Variants in CR1 observed in about 807,000 individuals in gnomAD.
CR1 encodes the protein complement receptor type 1.
A neutral mutation model predicts 187.3 loss-of-function variants in CR1; 116 were observed. That is an observed-to-expected ratio of 0.62 (90% CI 0.53 to 0.72). The LOEUF is 0.72. Among genes scored for constraint, CR1 ranks in the 30% least tolerant of loss-of-function variants. The pLI is 0.00. For missense variants in CR1, 1,731 were observed against 2,110.7 expected, an observed-to-expected ratio of 0.82 and a Z score of 3.52; for synonymous variants, 576 against 747.1, an observed-to-expected ratio of 0.77 and a Z score of 3.73.
At position 207,524,020 on chromosome 1, in the gene CR1, C is replaced by T. The variant is rs1175587000; in HGVS notation, c.886+11C>T. 3 of 1,611,628 alleles carry T rather than the reference C, an allele frequency of 1.9e-6. No individual in the cohort carries two copies. Among genetic ancestry groups the T allele is most frequent in the African/African-American group, 1.3e-5 (1 of 74,740 alleles). On this transcript the variant is annotated intron_variant, in intron 5 of 46. Coordinates refer to ENST00000367049, the MANE Select transcript of CR1 (RefSeq NM_000651.6). ...CAAGCTGCTCCAGGGGTGAGTCTGA[C>T]TGAGGCCTAGAAGGGCCCTGCCAGT...
rs1033045549 is a variant in CR1, at chr1:207,575,454, G to A, written c.4452-141G>A. On this transcript the variant is annotated intron_variant, in intron 27 of 46. Coordinates refer to ENST00000367049, the MANE Select transcript of CR1 (RefSeq NM_000651.6). ...GAAAGAATAAGAAAAAGAAATAGAA[G>A]AGCTGGAAACAATAGGTAAAGTTTA... The A allele has an allele frequency of 9.9e-6, 10 of 1,014,188 alleles. No homozygotes were observed. In the African/African-American group the frequency reaches 1.1e-4, roughly 11 times the overall value. 62.8% of individuals were successfully genotyped at this position (1,014,188 alleles called of 1,614,324 possible). A position where few individuals can be genotyped will look rare whatever the true frequency, so the allele number is the denominator to read the frequency against.
intron 4 of CR1, among the ~76,000 whole-genome samples, chr1:207,515,502 C>T (rs953513535): frequency 6.6e-5 from 10 of 151,886 alleles, no homozygotes; most frequent in African/African-American, 1.7e-4. Context: ...TGATTTATAA[C>T]ACTAATAGTT....
intron 42 of CR1, 81 bp from the exon 43 acceptor site, chr1:207,619,799 G>T: frequency 2.4e-6 from 3 of 1,254,232 alleles, no homozygotes; most frequent in Non-Finnish European, 1.1e-6. Flanking sequence ...AATAGGTTTT[G>T]GCTATTTTCT....
chr1:207,630,533 A>G lies in CR1; in HGVS notation c.7369A>G (p.Asn2457Asp). 1 of 1,605,550 alleles carries G rather than the reference A, an allele frequency of 6.2e-7. No individual in the cohort carries two copies. Among genetic ancestry groups the G allele is most frequent in the Non-Finnish European group, 8.5e-7 (1 of 1,176,670 alleles). The change falls in exon 46 of 47, where the codon AAC (asparagine) becomes GAC (aspartate). Residue 2457 changes from asparagine to aspartate, a missense_variant. Asn to Asp is a conservative substitution (Grantham distance 23, BLOSUM62 1). This residue lies in a region of CR1 where 1,312 missense variants were observed against 1,379.6 expected (regional missense o/e 0.95). Transcript: ENST00000367049. The part of the protein sequence containing the change: ...KHRKGNNAHE[N>D]PKEVAIHLHS... ...GCCAATTAGCAATAATGCACATGAAAACCCTAAAGAAGTGGCTATCCATTT... is the reference window on the plus strand; with the variant it reads ...GCCAATTAGCAATAATGCACATGAAGACCCTAAAGAAGTGGCTATCCATTT...
At chr1:207,578,844 T>A (rs1167981076) in intron 29 of CR1, among the ~76,000 whole-genome samples, 2 of 152,246 alleles carry the variant, frequency 1.3e-5, no homozygotes, top group African/African-American at 2.4e-5. Flanking sequence ...GTCTGCCTCC[T>A]ACATTTTATT....
At chr1:207,588,886 G>A (rs1199317283) in intron 35 of CR1, 112 bp downstream of exon 35, 5 of 683,400 alleles carry the variant, frequency 7.3e-6, no homozygotes, top group African/African-American at 3.6e-5. Flanking sequence ...TTAAAAGCAA[G>A]CAATAGGACT....
chr1:207,515,144 T>TATATATACGTGTAC (rs1558220645), intron 4 of CR1, among the ~76,000 whole-genome samples: 2 of 129,592 alleles, frequency 1.5e-5, no homozygotes, highest in South Asian at 2.4e-4. Context: ...TATACGTGTA[T>TATATATACGTGTAC]ACGTATATAT....
In CR1 at chr1:207,575,639, G is replaced by T. The variant is rs766940813; in HGVS notation, c.4496G>T (p.Gly1499Val). The stretch of plus-strand genomic sequence containing the variant: ...TCATCTGCTGAATGTATCCTCTCAG[G>T]CAATACTGCCCATTGGAGCACGAAG... The part of the protein sequence containing the change: ...GHSSAECILS[G>V]NTAHWSTKPP... Residue 1499 changes from glycine (G) to valine (V), a missense_variant, in exon 28 of 47, where the codon GGC (glycine) becomes GTC (valine). Around this residue, in one of 5 missense-constraint regions of CR1, gnomAD observed 1,312 missense variants for 1,379.6 expected, o/e 0.95. Coordinates refer to ENST00000367049, the MANE Select transcript of CR1 (RefSeq NM_000651.6). The T allele has an allele frequency of 3.7e-6, 6 of 1,611,782 alleles. No homozygotes were observed. Among genetic ancestry groups the T allele is most frequent in the Admixed American group, 3.3e-5 (2 of 60,014 alleles).
Position 207,503,755 on chromosome 1 carries a change from A to G in CR1, c.122-2149A>G, listed in dbSNP as rs114211429. 6.5e-3 allele frequency among the ~76,000 whole-genome samples: 990 copies of G among 152,328 alleles called. 11 individuals are homozygous for G. The highest frequency in any genetic ancestry group is 0.023 in the African/African-American group (943 of 41,564). ...AATCACAGGCTTCAGGGATCAGAAC[A>G]TGGATATCTCTGAGAGGTCCTTACT... On this transcript the variant is annotated intron_variant, in intron 1 of 46. Transcript: ENST00000367049.
intron 37 of CR1, among the ~76,000 whole-genome samples, chr1:207,611,036 C>CTT (rs879913173): frequency 6.8e-6 from 1 of 146,360 alleles, no homozygotes. Flanking sequence ...TTCATTCTTT[C>CTT]TTTTTTTTTT....
intron 46 of CR1, among the ~76,000 whole-genome samples, chr1:207,631,557 T>C (rs1181580817): frequency 2.0e-5 from 3 of 152,214 alleles, no homozygotes; most frequent in Non-Finnish European, 4.4e-5. Flanking sequence ...TAACCTGGGC[T>C]TTCCATCCTC....
At chr1:207,619,376 C>CAAAAAAAA (rs67078800) in intron 42 of CR1, among the ~76,000 whole-genome samples, 1 of 92,654 alleles carries the variant, frequency 1.1e-5, no homozygotes, top group Non-Finnish European at 2.2e-5. Context: ...CAGTGAGACT[C>CAAAAAAAA]AAAAAAAAAA....
At position 207,506,751 on chromosome 1, in the gene CR1, C is replaced by T. The variant is rs574321078; in HGVS notation, c.339C>T (p.Gly113=). 1.2e-6 allele frequency: 2 copies of T among 1,613,670 alleles called. No homozygotes were observed. Among genetic ancestry groups the T allele is most frequent in the Admixed American group, 1.7e-5 (1 of 60,002 alleles). ...GTAATCCTCCAGATCCTGTGAATGG[C>T]ATGGTGCATGTGATCAAAGGCATCC... ...SCRNPPDPVN[G]MVHVIKGIQF... Residue 113 remains glycine, a synonymous_variant, in exon 3 of 47, where the codon GGC becomes GGT. Coordinates refer to ENST00000367049, the MANE Select transcript of CR1 (RefSeq NM_000651.6).
chr1:207,624,792 A>G (rs1662429729), intron 45 of CR1, among the ~76,000 whole-genome samples: 1 of 152,170 alleles, frequency 6.6e-6, no homozygotes, highest in Non-Finnish European at 1.5e-5. Flanking sequence ...AAAGTTTCTC[A>G]TTAAGTACCA....
At chr1:207,589,010 G>A (rs928861305) in intron 35 of CR1, among the ~76,000 whole-genome samples, 5 of 152,214 alleles carry the variant, frequency 3.3e-5, no homozygotes, top group Non-Finnish European at 7.3e-5. Flanking sequence ...CCTGTCAAAG[G>A]TGGTACATGT....
At chr1:207,515,667 T>A (rs990026885) in intron 4 of CR1, among the ~76,000 whole-genome samples, 2 of 152,182 alleles carry the variant, frequency 1.3e-5, no homozygotes, top group Admixed American at 1.3e-4. Flanking sequence ...TCATTGATGA[T>A]CTTGAGTACC....
intron 3 of CR1, chr1:207,507,460 G>A (rs1659476168): frequency 6.6e-6 from 1 of 152,264 alleles, no homozygotes; most frequent in Admixed American, 6.5e-5. Flanking sequence ...CTCACATGCT[G>A]TTTTCCTGTC....
rs765630251 is a variant in CR1, at chr1:207,609,573, C to T, written c.6180C>T (p.Thr2060=). The T allele has an allele frequency of 6.2e-7, 1 of 1,613,510 alleles. No individual in the cohort carries two copies. Among genetic ancestry groups the T allele is most frequent in the South Asian group, 1.1e-5 (1 of 90,978 alleles). The change falls in exon 37 of 47, where the codon ACC becomes ACT. Residue 2060 remains threonine (T), a synonymous_variant. Coordinates refer to ENST00000367049, the MANE Select transcript of CR1 (RefSeq NM_000651.6). ...IRVPGNRSFF[T]LTEIIRFRCQ... ...TACCAGGAAACAGGAGTTTCTTTAC[C>T]CTCACTGAGATCATCAGATTTAGAT... is the stretch of plus-strand genomic sequence containing the variant.
At chr1:207,575,260 A>T (rs1214848349) in intron 27 of CR1, among the ~76,000 whole-genome samples, 1 of 152,146 alleles carries the variant, frequency 6.6e-6, no homozygotes, top group Non-Finnish European at 1.5e-5. Context: ...AAACAAAAAA[A>T]GGCAAAAATA....
Sources: allele counts gnomAD v4.1 joint callset (sites outside exome capture counted in the v4.1 genomes callset), GRCh38; gene constraint gnomAD v4.1.1; regional missense constraint gnomAD v4.1.1; transcripts MANE v1.5; gene names NCBI Gene and HGNC (gene_info 2026-07-23, HGNC 2026-07-21).